Variants in AFF1 observed in about 807,000 individuals in gnomAD.
AFF1 encodes the protein ALF transcription elongation factor 1, also known as AF4/FMR2 family member 1.
AFF1 carries 48 observed loss-of-function variants against 121.7 expected under a neutral mutation model. The observed-to-expected ratio is 0.39, with a 90% CI of 0.31 to 0.50. The LOEUF (loss-of-function observed/expected upper bound fraction) is 0.50, where lower values mean the gene tolerates loss of function less well. Among genes scored for constraint, AFF1 ranks in the 20% least tolerant of loss-of-function variants. The pLI, the probability that AFF1 is intolerant of heterozygous loss-of-function variation, is 0.76. For synonymous variants in AFF1, 613 were observed against 563.0 expected (o/e 1.09, Z -1.26); for missense variants, 1,523 against 1,511.7 (o/e 1.01, Z -0.12).
intron 2 of AFF1, among the ~76,000 whole-genome samples, chr4:86,997,534 A>G (rs550942997): frequency 1.2e-3 from 162 of 138,488 alleles, no homozygotes; most frequent in Non-Finnish European, 2.1e-3. Flanking sequence ...AGGCCGAGGC[A>G]GGTGGATCAC....
At chr4:87,036,839 C>T (rs1173804349) in intron 2 of AFF1, 3 of 501,768 alleles carry the variant, frequency 6.0e-6, no homozygotes, top group Non-Finnish European at 1.2e-5. Flanking sequence ...CTCCCCCATC[C>T]CCCCTTTTTT....
chr4:87,045,254 G>C (rs1343321579), intron 2 of AFF1, among the ~76,000 whole-genome samples: 1 of 152,212 alleles, frequency 6.6e-6, no homozygotes, highest in Non-Finnish European at 1.5e-5. Context: ...AAAACATTCA[G>C]TAGATTCCCT....
intron 1 of AFF1, among the ~76,000 whole-genome samples, chr4:86,946,413 A>G (rs7691435): frequency 0.045 from 6,790 of 151,538 alleles, 488 homozygotes; most frequent in African/African-American, 0.16. Context: ...GCTGGAGGGC[A>G]GTGGTGCAAT....
chr4:87,043,047 T>C (rs1730314512), intron 2 of AFF1, among the ~76,000 whole-genome samples: 1 of 152,216 alleles, frequency 6.6e-6, no homozygotes, highest in Admixed American at 6.5e-5. Flanking sequence ...TTAGTTGAGG[T>C]GTAACTGTTC....
At chr4:86,945,761 G>T (rs995021334) in intron 1 of AFF1, among the ~76,000 whole-genome samples, 2 of 151,946 alleles carry the variant, frequency 1.3e-5, no homozygotes, top group Non-Finnish European at 2.9e-5. Flanking sequence ...CAAAGTGTTG[G>T]GATTACAGGC....
At chr4:86,981,446 T>C (rs1397981915) in intron 2 of AFF1, among the ~76,000 whole-genome samples, 2 of 151,862 alleles carry the variant, frequency 1.3e-5, no homozygotes, top group African/African-American at 2.4e-5. Context: ...CGGCTCACTG[T>C]GATCTCCACT....
At chr4:86,951,191 C>G (rs1369233280) in intron 2 of AFF1, among the ~76,000 whole-genome samples, 2 of 152,148 alleles carry the variant, frequency 1.3e-5, no homozygotes, top group Non-Finnish European at 2.9e-5. Context: ...AGCTTCGGCT[C>G]TTTTAAGCGG....
Position 87,047,576 on chromosome 4 carries a change from G to T in AFF1, c.1041G>T (p.Met347Ile), listed in dbSNP as rs141126812. 6.2e-7 allele frequency: 1 copy of T among 1,614,154 alleles called. No homozygotes were observed. The highest frequency in any genetic ancestry group is 1.1e-5 in the South Asian group (1 of 91,086). ...AAGCCAAGCTCACCAAACTGAAGAT[G>T]CCTTCTCAGTCAGTTGAGGTGTGTG... ...PAKAKLTKLK[M>I]PSQSVEQTYS... is the part of the protein sequence containing the mutation. The change falls in exon 4 of 21, where the codon ATG becomes ATT. Residue 347 changes from methionine (M) to isoleucine (I), a missense_variant. Met to Ile is a conservative substitution (Grantham distance 10). Coordinates refer to ENST00000395146, the MANE Select transcript of AFF1 (RefSeq NM_001166693.3).
Position 87,114,615 on chromosome 4 carries a change from G to A in AFF1, c.1782G>A (p.Lys594=), listed in dbSNP as rs774055105. 2 of 1,503,744 alleles carry A rather than the reference G, an allele frequency of 1.3e-6. No homozygotes were observed. The highest frequency in any genetic ancestry group is 2.6e-5 in the East Asian group (1 of 38,508). 93.2% of individuals were successfully genotyped at this position (1,503,744 alleles called of 1,614,324 possible). Residue 594 remains lysine, a synonymous_variant, in exon 12 of 21, where the codon AAG becomes AAA. Transcript: ENST00000395146. ...APHPGKRSCQ[K]SPAQQEPPQR... is the part of the protein sequence containing the mutation. ...ACCCCGGAAAGAGGAGCTGTCAGAA[G>A]TCTCCGGCACAGCAGGAGCCCCCAC...
chr4:87,078,930 T>G lies in AFF1; in HGVS notation c.1060-5190T>G, dbSNP rs554138047. ...CTTTTGATGGTTTTGAAAGTGTGTTTTATTAGATATGTTTTAATATGAAAA... is the reference window on the plus strand; with the variant it reads ...CTTTTGATGGTTTTGAAAGTGTGTTGTATTAGATATGTTTTAATATGAAAA... On this transcript the variant is annotated intron_variant, in intron 4 of 20. Coordinates refer to ENST00000395146, the MANE Select transcript of AFF1 (RefSeq NM_001166693.3). Among the ~76,000 whole-genome samples the G allele has an allele frequency of 2.8e-4, 42 of 152,286 alleles. 1 individual carries two copies. The highest frequency in any genetic ancestry group is 1.0e-3 in the African/African-American group (42 of 41,542).
At chr4:87,013,124 A>G (rs760559801) in intron 2 of AFF1, among the ~76,000 whole-genome samples, 4 of 141,572 alleles carry the variant, frequency 2.8e-5, no homozygotes, top group Non-Finnish European at 4.5e-5. Context: ...GCTCACAGCA[A>G]CCTCTGCCTC....
At chr4:87,080,484 T>G (rs968965921) in intron 4 of AFF1, among the ~76,000 whole-genome samples, 1 of 152,186 alleles carries the variant, frequency 6.6e-6, no homozygotes, top group Non-Finnish European at 1.5e-5. Context: ...CTGGCTCCTT[T>G]TAGTAGGAGT....
At chr4:87,045,726 CAA>C (rs2149611537) in intron 2 of AFF1, among the ~76,000 whole-genome samples, 1 of 152,200 alleles carries the variant, frequency 6.6e-6, no homozygotes, top group African/African-American at 2.4e-5. Flanking sequence ...TTTAATCTTT[CAA>C]AATGTACGCT....
rs751330358 is a variant in AFF1, at chr4:87,046,823, G to A, written c.288G>A (p.Lys96=). The A allele has an allele frequency of 3.1e-6, 5 of 1,614,182 alleles. No individual in the cohort carries two copies. Among genetic ancestry groups the A allele is most frequent in the Non-Finnish European group, 4.2e-6 (5 of 1,180,036 alleles). Residue 96 remains lysine, a synonymous_variant, in exon 4 of 21, where the codon AAG becomes AAA. Transcript: ENST00000395146. ...RLDASENRLG[K]PKYPLIPDKG... is the part of the protein sequence containing the mutation. ...ATGCTTCTGAAAATAGGTTGGGAAA[G>A]CCGAAATATCCTTTAATTCCTGACA...
intron 16 of AFF1, 85 bp downstream of exon 16, chr4:87,127,788 A>G (rs1253024272): frequency 5.9e-6 from 8 of 1,366,058 alleles, no homozygotes; most frequent in South Asian, 1.2e-5. Flanking sequence ...GCTGTATTCC[A>G]TATCACTCAG....
At position 87,047,375 on chromosome 4, in the gene AFF1, A is replaced by G. The variant is rs1385492688; in HGVS notation, c.840A>G (p.Thr280=). 1.9e-6 allele frequency: 3 copies of G among 1,613,794 alleles called. No homozygotes were observed. Among genetic ancestry groups the G allele is most frequent in the Non-Finnish European group, 2.5e-6 (3 of 1,179,948 alleles). The change falls in exon 4 of 21, where the codon ACA becomes ACG. Residue 280 remains threonine, a synonymous_variant. Transcript: ENST00000395146. ...LVAPAQPPSQ[T]FPPPSLPSKS... ...CCCCTGCCCAGCCGCCTTCTCAGAC[A>G]TTTCCACCTCCCTCCCTCCCCTCAA...
At position 87,126,225 on chromosome 4, in the gene AFF1, C is replaced by T; in HGVS notation, c.2700C>T (p.Gly900=). Residue 900 remains glycine (G), a synonymous_variant, in exon 14 of 21, where the codon GGC becomes GGT. Transcript: ENST00000395146. ...KRSRREADTC[G]QDPPKSASST... ...CAAGGCGGGAAGCAGACACCTGTGG[C>T]CAGGACCCTCCCAAAAGTGCCAGCA... is the stretch of plus-strand genomic sequence containing the variant. 2 of 1,614,084 alleles carry T rather than the reference C, an allele frequency of 1.2e-6. No individual in the cohort carries two copies. The highest frequency in any genetic ancestry group is 1.7e-6 in the Non-Finnish European group (2 of 1,180,010).
intron 2 of AFF1, among the ~76,000 whole-genome samples, chr4:86,982,821 C>T (rs1723865807): frequency 7.9e-6 from 1 of 127,046 alleles, no homozygotes; most frequent in South Asian, 2.5e-4. Flanking sequence ...GCACTCCAGT[C>T]TGGGCGACAG....
At chr4:87,108,347 A>G in intron 11 of AFF1, 32 bp downstream of exon 11, 1 of 1,603,880 alleles carries the variant, frequency 6.2e-7, no homozygotes, top group Non-Finnish European at 8.5e-7. Context: ...TGGCCACCTT[A>G]GATGGCAGCA....
Sources: allele counts gnomAD v4.1 joint callset (sites outside exome capture counted in the v4.1 genomes callset), GRCh38; gene constraint gnomAD v4.1.1; transcripts MANE v1.5; gene names NCBI Gene and HGNC (gene_info 2026-07-23, HGNC 2026-07-21).